Variants in MITF observed in about 807,000 individuals in gnomAD.
MITF encodes the protein microphthalmia-associated transcription factor.
In MITF, 17 loss-of-function variants were observed where a neutral mutation model predicts 60.5. That is an observed-to-expected ratio of 0.28 (90% confidence interval 0.19 to 0.42). The LOEUF is 0.42. Among genes scored for constraint, MITF ranks in the 10% least tolerant of loss-of-function variants. The pLI is 1.00. For synonymous variants in MITF, 260 were observed against 248.5 expected (o/e 1.05, Z -0.43); for missense variants, 622 against 683.5 (o/e 0.91, Z 1.00).
intron 1 of MITF, among the ~76,000 whole-genome samples, chr3:69,787,458 T>A (rs1255719842): frequency 1.3e-5 from 2 of 152,222 alleles, no homozygotes; most frequent in Admixed American, 1.3e-4. Flanking sequence ...TTGTAAAGGA[T>A]CTTGTTCCAA....
chr3:69,844,715 T>G (rs965056739), intron 1 of MITF, among the ~76,000 whole-genome samples: 9 of 151,774 alleles, frequency 5.9e-5, no homozygotes, highest in Non-Finnish European at 1.3e-4. Context: ...ATTTTTGCAA[T>G]CTATGTATCT....
At chr3:69,921,091 C>T (rs1436817360) in intron 2 of MITF, among the ~76,000 whole-genome samples, 5 of 152,160 alleles carry the variant, frequency 3.3e-5, no homozygotes, top group African/African-American at 4.8e-5. Flanking sequence ...ACACTGGTCT[C>T]GGACACCTAA....
chr3:69,828,086 T>C (rs569560642), intron 1 of MITF, among the ~76,000 whole-genome samples: 24 of 149,120 alleles, frequency 1.6e-4, no homozygotes, highest in Non-Finnish European at 6.0e-5. Flanking sequence ...ATTACTGGCA[T>C]GGGTGCCAGC....
At position 69,965,061 on chromosome 3, in the gene MITF, C is replaced by CT; in HGVS notation, c.1395dup (p.Glu466Ter). 3 of 1,614,142 alleles carry CT rather than the reference C, an allele frequency of 1.9e-6. No individual in the cohort carries two copies. Among genetic ancestry groups the CT allele is most frequent in the Non-Finnish European group, 2.5e-6 (3 of 1,180,020 alleles). On this transcript the variant is annotated frameshift_variant, in exon 10 of 10. Coordinates refer to ENST00000352241, the MANE Select transcript of MITF (RefSeq NM_001354604.2). LOFTEE classifies it high-confidence loss of function. ...TTCAACAACAACCTCGGAACTGGGA[C>CT]TGAGGCCAACCAAGCCTATAGTGTC...
intron 1 of MITF, among the ~76,000 whole-genome samples, chr3:69,759,813 T>C (rs1453037737): frequency 2.0e-5 from 3 of 152,174 alleles, no homozygotes; most frequent in Non-Finnish European, 2.9e-5. Context: ...AGTCTCGCTC[T>C]GTCGTCCAGG....
intron 1 of MITF, among the ~76,000 whole-genome samples, chr3:69,815,597 T>G (rs2063169087): frequency 6.6e-6 from 1 of 152,240 alleles, no homozygotes; most frequent in African/African-American, 2.4e-5. Context: ...AAATATGTGT[T>G]AATTGACTAT....
intron 2 of MITF, among the ~76,000 whole-genome samples, chr3:69,922,452 C>T (rs1178688165): frequency 1.3e-5 from 2 of 152,108 alleles, no homozygotes; most frequent in African/African-American, 2.4e-5. Flanking sequence ...GATCTCTTGA[C>T]GTTGTGATCC....
At chr3:69,956,813 T>G (rs1430372370) in intron 8 of MITF, among the ~76,000 whole-genome samples, 1 of 152,178 alleles carries the variant, frequency 6.6e-6, no homozygotes, top group Admixed American at 6.5e-5. Flanking sequence ...AAACAAATAC[T>G]GAGCTTAAAA....
intron 1 of MITF, chr3:69,752,491 A>C (rs1295608264): frequency 1.3e-5 from 2 of 152,200 alleles, no homozygotes; most frequent in African/African-American, 2.4e-5. Flanking sequence ...GTGTTAGCAA[A>C]GAGGTTGGCT....
chr3:69,835,015 CTTTT>C (rs142347719), intron 1 of MITF, among the ~76,000 whole-genome samples: 3 of 68,536 alleles, frequency 4.4e-5, no homozygotes, highest in East Asian at 4.3e-4. Context: ...GCTCTTTTAC[CTTTT>C]TTTTTTTTTT....
intron 3 of MITF, 100 bp downstream of exon 3, chr3:69,938,149 T>C: frequency 3.0e-6 from 4 of 1,345,138 alleles, no homozygotes; most frequent in Non-Finnish European, 4.2e-6. Flanking sequence ...TTTGTCCTTG[T>C]GGCCACATTT....
intron 1 of MITF, among the ~76,000 whole-genome samples, chr3:69,856,051 A>G (rs778304704): frequency 6.6e-6 from 1 of 152,176 alleles, no homozygotes; most frequent in African/African-American, 2.4e-5. Context: ...GGCTGGGCTC[A>G]CTTACTGTGA....
chr3:69,841,847 G>A (rs1224046782), intron 1 of MITF, among the ~76,000 whole-genome samples: 3 of 152,238 alleles, frequency 2.0e-5, no homozygotes, highest in Non-Finnish European at 4.4e-5. Flanking sequence ...TTATATGTAC[G>A]AAGAAAAAAG....
chr3:69,837,958 A>G (rs1205794767), intron 1 of MITF, among the ~76,000 whole-genome samples: 1 of 152,238 alleles, frequency 6.6e-6, no homozygotes, highest in Non-Finnish European at 1.5e-5. Flanking sequence ...CACTTGCATA[A>G]TATGTACATA....
chr3:69,746,802 C>T (rs897296199), intron 1 of MITF, among the ~76,000 whole-genome samples: 2 of 152,150 alleles, frequency 1.3e-5, no homozygotes, highest in Non-Finnish European at 2.9e-5. Flanking sequence ...TAGAGACAAA[C>T]GAGGTCGAGA....
intron 1 of MITF, among the ~76,000 whole-genome samples, chr3:69,741,673 A>G (rs569771419): frequency 1.1e-4 from 17 of 152,358 alleles, no homozygotes; most frequent in African/African-American, 3.8e-4. Flanking sequence ...AAGGAAGGCT[A>G]AATTAAAAAA....
In MITF at chr3:69,966,946, G is replaced by T. The variant is rs2066703810; in HGVS notation, c.*1698G>T. ...GACGAACATGTAGCATGGTGCCTAT[G>T]TAGACAATATAAGAGCTTCCAATTT... On this transcript the variant is annotated 3_prime_UTR_variant, in exon 10 of 10. Transcript: ENST00000352241. 1 of 232,474 alleles carries T rather than the reference G, an allele frequency of 4.3e-6. No homozygotes were observed. The highest frequency in any genetic ancestry group is 2.2e-5 in the African/African-American group (1 of 45,298). The allele number at this position is 232,474 out of a possible 1,614,324, so 14.4% of individuals were successfully genotyped here. A position where few individuals can be genotyped will look rare whatever the true frequency, so the allele number is the denominator to read the frequency against.
chr3:69,965,373 C>A lies in MITF; in HGVS notation c.*125C>A. On this transcript the variant is annotated 3_prime_UTR_variant, in exon 10 of 10. Transcript: ENST00000352241. ...TATGAAATTTTTTTTCATGCTTTATCAATAGCCCAGGATATATTTTATTTT... is the reference window on the plus strand; with the variant it reads ...TATGAAATTTTTTTTCATGCTTTATAAATAGCCCAGGATATATTTTATTTT... 2.1e-6 allele frequency: 2 copies of A among 946,836 alleles called. No individual in the cohort carries two copies. The highest frequency in any genetic ancestry group is 3.2e-6 in the Non-Finnish European group (2 of 630,798). The allele number at this position is 946,836 out of a possible 1,614,324, so 58.7% of individuals were successfully genotyped here. A position where few individuals can be genotyped will look rare whatever the true frequency, so the allele number is the denominator to read the frequency against.
intron 2 of MITF, among the ~76,000 whole-genome samples, chr3:69,923,782 G>A (rs767604465): frequency 2.0e-5 from 3 of 151,940 alleles, no homozygotes; most frequent in Admixed American, 6.6e-5. Flanking sequence ...AATCCAAATG[G>A]GACTATCCAA....
Sources: gnomAD v4.1 joint callset for allele counts (sites outside exome capture counted in the v4.1 genomes callset) on GRCh38, gnomAD v4.1.1 for gene constraint, MANE v1.5 for transcripts, NCBI Gene and HGNC (gene_info 2026-07-23, HGNC 2026-07-21) for gene names.